STAG1: variants seen among roughly 807,000 people sequenced by gnomAD.
The protein encoded by STAG1 is STAG1 cohesin complex component, also known as cohesin subunit SA-1.
Under a neutral mutation model 170.9 loss-of-function variants are expected in STAG1, and 26 were observed. That is an observed-to-expected ratio of 0.15 (90% CI 0.11 to 0.21). The LOEUF (loss-of-function observed/expected upper bound fraction) is 0.21. Ranked by LOEUF, STAG1 falls within the 10% of genes least tolerant of loss-of-function variation. The pLI is 1.00. For missense variants in STAG1, 964 were observed against 1,509.5 expected, an observed-to-expected ratio of 0.64 and a Z score of 5.99; for synonymous variants, 514 against 497.7, an observed-to-expected ratio of 1.03 and a Z score of -0.44.
intron 1 of STAG1, among the ~76,000 whole-genome samples, chr3:136,724,155 TA>T (rs1386674061): frequency 2.8e-5 from 4 of 142,754 alleles, no homozygotes; most frequent in African/African-American, 1.2e-4. Flanking sequence ...TTTTGTGGAA[TA>T]GAGGAGGGGA....
chr3:136,586,190 T>C (rs1384055829), intron 4 of STAG1, among the ~76,000 whole-genome samples: 1 of 152,100 alleles, frequency 6.6e-6, no homozygotes, highest in Non-Finnish European at 1.5e-5. Context: ...ATAAAGTCCA[T>C]TTTTCCTAAA....
chr3:136,723,058 G>A (rs1933396269), intron 1 of STAG1, among the ~76,000 whole-genome samples: 1 of 152,220 alleles, frequency 6.6e-6, no homozygotes, highest in South Asian at 2.1e-4. Context: ...CCACCTCCCA[G>A]CCGCCTGCCT....
intron 4 of STAG1, among the ~76,000 whole-genome samples, chr3:136,598,718 C>T (rs1401394979): frequency 1.3e-5 from 2 of 152,046 alleles, no homozygotes; most frequent in Admixed American, 6.6e-5. Context: ...TGAGCCACCG[C>T]GCCCGGCCAA....
rs1939944754 is a variant in STAG1 at position 136,623,247 on chromosome 3, C to T, written c.31G>A (p.Asp11Asn). MITSELPVLQ[D>N]STNETTAHSD... ...TGGGCAGTAGTTTCATTAGTTGAATCCCTAGAAAATGTTATATTATTTTAG... is the reference window on the plus strand; with the variant it reads ...TGGGCAGTAGTTTCATTAGTTGAATTCCTAGAAAATGTTATATTATTTTAG... Residue 11 changes from aspartate (D) to asparagine (N), a missense_variant and splice_region_variant, in exon 3 of 34, where the codon GAT becomes AAT. Asp to Asn is a conservative substitution (Grantham distance 23, BLOSUM62 1). This residue lies in a region of STAG1 where 108 missense variants were observed against 120.2 expected (regional missense o/e 0.90). Coordinates refer to ENST00000383202, the MANE Select transcript of STAG1 (RefSeq NM_005862.3). 6.2e-7 allele frequency: 1 copy of T among 1,611,362 alleles called. No homozygotes were observed. Among genetic ancestry groups the T allele is most frequent in the East Asian group, 2.2e-5 (1 of 44,796 alleles).
chr3:136,356,811 G>A (rs963966411), intron 28 of STAG1, among the ~76,000 whole-genome samples: 9 of 152,092 alleles, frequency 5.9e-5, no homozygotes, highest in South Asian at 2.1e-4. Context: ...GGAGTGGAGT[G>A]GCATGATCGC....
chr3:136,462,410 A>C (rs1391642354), intron 13 of STAG1, among the ~76,000 whole-genome samples: 1 of 152,192 alleles, frequency 6.6e-6, no homozygotes, highest in Non-Finnish European at 1.5e-5. Context: ...ACTAGATGAC[A>C]TTATGTTAAG....
chr3:136,570,981 T>C (rs755257256), intron 4 of STAG1, among the ~76,000 whole-genome samples: 4 of 152,150 alleles, frequency 2.6e-5, no homozygotes, highest in Non-Finnish European at 4.4e-5. Flanking sequence ...TGCTGAATAA[T>C]GTGTCAGGCT....
chr3:136,496,246 A>G (rs1051538408), intron 9 of STAG1, among the ~76,000 whole-genome samples: 2 of 152,202 alleles, frequency 1.3e-5, no homozygotes, highest in Admixed American at 6.5e-5. Context: ...AAAATCAGTA[A>G]AGAGAGAGAA....
intron 13 of STAG1, among the ~76,000 whole-genome samples, chr3:136,459,886 T>C (rs1233261404): frequency 1.3e-5 from 2 of 152,018 alleles, no homozygotes. Context: ...TACCAATAAG[T>C]ATCTATATCA....
chr3:136,751,644 C>G (rs1019768172), intron 1 of STAG1, among the ~76,000 whole-genome samples: 1 of 152,230 alleles, frequency 6.6e-6, no homozygotes, highest in East Asian at 1.9e-4. Context: ...AGCCGCCCCG[C>G]CGAGCGACCC....
chr3:136,642,842 C>A (rs1034194111), intron 1 of STAG1, among the ~76,000 whole-genome samples: 3 of 152,158 alleles, frequency 2.0e-5, no homozygotes, highest in Non-Finnish European at 4.4e-5. Context: ...GGAGGATCCT[C>A]CCTGGACTTG....
chr3:136,680,082 G>A (rs941314351), intron 1 of STAG1, among the ~76,000 whole-genome samples: 1 of 151,768 alleles, frequency 6.6e-6, no homozygotes, highest in East Asian at 1.9e-4. Context: ...CTACAGTCTG[G>A]CCAACATGGC....
chr3:136,602,381 CAAAAAA>C (rs397819185), intron 4 of STAG1, among the ~76,000 whole-genome samples: 1 of 81,728 alleles, frequency 1.2e-5, no homozygotes, highest in African/African-American at 5.0e-5. Context: ...CCATCTCAAA[CAAAAAA>C]AAAAAAAAAG....
intron 16 of STAG1, among the ~76,000 whole-genome samples, chr3:136,431,036 T>A (rs1224678829): frequency 6.6e-6 from 1 of 152,004 alleles, no homozygotes; most frequent in Admixed American, 6.6e-5. Flanking sequence ...CTCGAGTAGC[T>A]GGGATTACAG....
chr3:136,442,204 A>G (rs1043772668), intron 15 of STAG1, among the ~76,000 whole-genome samples: 2 of 152,182 alleles, frequency 1.3e-5, no homozygotes, highest in Non-Finnish European at 2.9e-5. Flanking sequence ...TCACACACAC[A>G]CACAAAAATT....
At position 136,349,305 on chromosome 3, in the gene STAG1, A is replaced by G; in HGVS notation, c.3124T>C (p.Trp1042Arg). The part of the protein sequence containing the change: ...EQMMERREDV[W>R]LPLISYRNSL... ...TTTCTATAGGAGATGAGTGGAAGCC[A>G]TACATCCTCCCTCCTTTCCATCATC... The change falls in exon 29 of 34, where the codon TGG becomes CGG. Residue 1042 changes from tryptophan (W) to arginine (R), a missense_variant. Physicochemically the swap from Trp to Arg is moderately radical, Grantham distance 101. Transcript: ENST00000383202. 1 of 1,614,086 alleles carries G rather than the reference A, an allele frequency of 6.2e-7. No homozygotes were observed.
chr3:136,579,605 G>T (rs1937547952), intron 4 of STAG1, among the ~76,000 whole-genome samples: 1 of 152,136 alleles, frequency 6.6e-6, no homozygotes, highest in Non-Finnish European at 1.5e-5. Flanking sequence ...TTTCTACATG[G>T]GATTCTCCAA....
At position 136,735,670 on chromosome 3, in the gene STAG1, T is replaced by C. The variant is rs552350373; in HGVS notation, c.-84+16525A>G. Among the ~76,000 whole-genome samples the C allele has an allele frequency of 7.9e-4, 120 of 152,142 alleles. 1 individual carries two copies. The highest frequency in any genetic ancestry group is 2.8e-3 in the African/African-American group (116 of 41,496). ...TTTTGTCTTCCAGACTGGAGTGCAATGGCGCGATTTCTGCTACCTGCAACC... is the reference window on the plus strand; with the variant it reads ...TTTTGTCTTCCAGACTGGAGTGCAACGGCGCGATTTCTGCTACCTGCAACC... On this transcript the variant is annotated intron_variant, in intron 1 of 33. Coordinates refer to ENST00000383202, the MANE Select transcript of STAG1 (RefSeq NM_005862.3).
intron 22 of STAG1, 45 bp from the exon 23 acceptor site, chr3:136,377,797 A>G: frequency 6.7e-7 from 1 of 1,503,114 alleles, no homozygotes; most frequent in Non-Finnish European, 9.3e-7. Context: ...ACAGGATCAC[A>G]GAAAACTGAT....
Sources: allele counts gnomAD v4.1 joint callset (sites outside exome capture counted in the v4.1 genomes callset), GRCh38; gene constraint gnomAD v4.1.1; regional missense constraint gnomAD v4.1.1; transcripts MANE v1.5; gene names NCBI Gene and HGNC (gene_info 2026-07-23, HGNC 2026-07-21).